GAS2: variants seen among roughly 807,000 people sequenced by gnomAD.
GAS2 encodes the protein growth arrest specific 2, also known as growth arrest-specific protein 2.
In GAS2, 20 loss-of-function variants were observed where a neutral mutation model predicts 37.5. The observed-to-expected ratio is 0.53, with a 90% CI of 0.37 to 0.77. The LOEUF (loss-of-function observed/expected upper bound fraction) is 0.77, where lower values mean the gene tolerates loss of function less well. GAS2 is among the 30% of genes least tolerant of loss of function. The probability of loss-of-function intolerance (pLI) is 0.00; values close to 1 mark genes in which losing one functional copy is unlikely to be tolerated. For synonymous variants in GAS2, 144 were observed against 132.2 expected, an observed-to-expected ratio of 1.09 and a Z score of -0.61; for missense variants, 336 against 373.4, an observed-to-expected ratio of 0.90 and a Z score of 0.82.
At chr11:22,716,340 A>G (rs1195636413) in intron 3 of GAS2, among the ~76,000 whole-genome samples, 2 of 152,132 alleles carry the variant, frequency 1.3e-5, no homozygotes, top group Non-Finnish European at 2.9e-5. Flanking sequence ...CAATCAGACA[A>G]GAGAAAGAAA....
intron 7 of GAS2, among the ~76,000 whole-genome samples, chr11:22,802,309 G>GGGGTGGA (rs1318969611): frequency 6.6e-6 from 1 of 151,996 alleles, no homozygotes; most frequent in Admixed American, 6.6e-5. Context: ...GGCCTGTTGT[G>GGGGTGGA]GGGTGGAGGG....
rs191500215 is a variant in GAS2 at position 22,800,129 on chromosome 11, A to G, written c.724-11669A>G. ...TGCACATCCTGAACAGTCATACATG[A>G]TAACTCTGGCATAGTAAGAAAGAAT... On this transcript the variant is annotated intron_variant, in intron 7 of 7. Transcript: ENST00000454584. Among the ~76,000 whole-genome samples the G allele has an allele frequency of 3.0e-3, 457 of 152,268 alleles. 4 individuals carry two copies. Among genetic ancestry groups the G allele is most frequent in the African/African-American group, 0.01 (434 of 41,576 alleles).
intron 7 of GAS2, among the ~76,000 whole-genome samples, chr11:22,771,163 A>G (rs2134427267): frequency 6.6e-6 from 1 of 152,078 alleles, no homozygotes; most frequent in East Asian, 1.9e-4. Context: ...GAAAAATGGC[A>G]ATCTCAGATC....
Position 22,812,827 on chromosome 11 carries a change from TTTAG to T in GAS2, c.*815_*818del, listed in dbSNP as rs1476504819. ...AGCATTTTCTTATTAAAAATATATC[TTTAG>T]TTAATCCTATTTTGCTATGCTTTCT... is the stretch of plus-strand genomic sequence containing the variant. On this transcript the variant is annotated 3_prime_UTR_variant, in exon 8 of 8. Coordinates refer to ENST00000454584, the MANE Select transcript of GAS2 (RefSeq NM_001143830.3). 1.3e-5 allele frequency: 2 copies of T among 152,294 alleles called. No homozygotes were observed. Among genetic ancestry groups the T allele is most frequent in the African/African-American group, 4.9e-5 (2 of 41,148 alleles). 9.4% of individuals were successfully genotyped at this position (152,294 alleles called of 1,614,324 possible).
chr11:22,675,060 G>C, intron 2 of GAS2, 46 bp downstream of exon 2: 1 of 1,595,610 alleles, frequency 6.3e-7, no homozygotes, highest in Non-Finnish European at 8.5e-7. Context: ...AACAGTTTTT[G>C]TTTTATTTTT....
chr11:22,782,740 A>AT (rs1308357447), intron 7 of GAS2, among the ~76,000 whole-genome samples: 2 of 128,564 alleles, frequency 1.6e-5, no homozygotes, highest in Non-Finnish European at 3.2e-5. Flanking sequence ...AAAAAAAAAA[A>AT]ATAATAATAA....
chr11:22,731,911 A>G (rs1852496473), intron 4 of GAS2, among the ~76,000 whole-genome samples: 1 of 151,664 alleles, frequency 6.6e-6, no homozygotes, highest in African/African-American at 2.4e-5. Flanking sequence ...TTTTTGTTTT[A>G]TGAAGTACAT....
intron 3 of GAS2, among the ~76,000 whole-genome samples, chr11:22,699,491 G>T (rs930223335): frequency 6.6e-6 from 1 of 152,112 alleles, no homozygotes; most frequent in Non-Finnish European, 1.5e-5. Context: ...AAGTGAAACT[G>T]GATTTGGAGG....
intron 1 of GAS2, among the ~76,000 whole-genome samples, chr11:22,657,082 G>A (rs888279972): frequency 4.6e-5 from 7 of 152,196 alleles, no homozygotes; most frequent in African/African-American, 9.7e-5. Flanking sequence ...AATTCTGGAA[G>A]TGTGAATAAG....
intron 6 of GAS2, among the ~76,000 whole-genome samples, chr11:22,749,754 G>A (rs947233379): frequency 6.6e-6 from 1 of 151,978 alleles, no homozygotes; most frequent in African/African-American, 2.4e-5. Context: ...GCTGAGGGGA[G>A]GAGAGGAGCT....
intron 3 of GAS2, among the ~76,000 whole-genome samples, chr11:22,715,479 A>AAAAAAAAG (rs1554973679): frequency 5.5e-5 from 8 of 145,884 alleles, no homozygotes; most frequent in African/African-American, 1.7e-4. Context: ...AAAAAAAAAA[A>AAAAAAAAG]AAAAGAAAAG....
intron 7 of GAS2, among the ~76,000 whole-genome samples, chr11:22,806,085 A>G (rs1394501732): frequency 6.6e-6 from 1 of 152,136 alleles, no homozygotes; most frequent in East Asian, 1.9e-4. Context: ...ATGACTTAGA[A>G]TGCCTTAACC....
At chr11:22,806,751 G>C (rs546098568) in intron 7 of GAS2, among the ~76,000 whole-genome samples, 1 of 152,316 alleles carries the variant, frequency 6.6e-6, no homozygotes, top group South Asian at 2.1e-4. Context: ...ACTCAGAATT[G>C]AAAATCTGTT....
intron 7 of GAS2, among the ~76,000 whole-genome samples, chr11:22,757,149 T>C (rs976112983): frequency 6.6e-6 from 1 of 152,112 alleles, no homozygotes; most frequent in South Asian, 2.1e-4. Flanking sequence ...ACATGATTAA[T>C]AAATTATATA....
Position 22,809,213 on chromosome 11 carries a change from C to A in GAS2, c.724-2585C>A, listed in dbSNP as rs186827759. ...CAATGAGTATTGCCAGGGAAGGAGGCTTTATTTGGGTGCTGCAACCAAGAA... is the reference window on the plus strand; with the variant it reads ...CAATGAGTATTGCCAGGGAAGGAGGATTTATTTGGGTGCTGCAACCAAGAA... On this transcript the variant is annotated intron_variant, in intron 7 of 7. Coordinates refer to ENST00000454584, the MANE Select transcript of GAS2 (RefSeq NM_001143830.3). 3.2e-3 allele frequency among the ~76,000 whole-genome samples: 481 copies of A among 152,210 alleles called. 1 individual carries two copies. The highest frequency in any genetic ancestry group is 0.011 in the African/African-American group (451 of 41,530).
intron 1 of GAS2, among the ~76,000 whole-genome samples, chr11:22,629,035 G>GTATA (rs564605468): frequency 1.3e-5 from 2 of 151,348 alleles, no homozygotes; most frequent in African/African-American, 4.9e-5. Context: ...ATGCATGTGT[G>GTATA]TATATATATA....
chr11:22,698,402 A>G (rs1206209165), intron 3 of GAS2, among the ~76,000 whole-genome samples: 1 of 152,104 alleles, frequency 6.6e-6, no homozygotes, highest in African/African-American at 2.4e-5. Flanking sequence ...AAAAGAGTCC[A>G]GGACCAGATG....
At chr11:22,710,554 G>T (rs1385521131) in intron 3 of GAS2, among the ~76,000 whole-genome samples, 3 of 151,544 alleles carry the variant, frequency 2.0e-5, no homozygotes, top group Non-Finnish European at 2.9e-5. Context: ...TCCTAAGGAA[G>T]TTCCTCAACT....
chr11:22,663,703 T>C (rs2133848089), upstream of GAS2, among the ~76,000 whole-genome samples: 1 of 152,274 alleles, frequency 6.6e-6, no homozygotes, highest in East Asian at 1.9e-4. Flanking sequence ...ATTTCTTTGA[T>C]TTATCCTTGT....
Sources: allele counts gnomAD v4.1 joint callset (sites outside exome capture counted in the v4.1 genomes callset), GRCh38; gene constraint gnomAD v4.1.1; transcripts MANE v1.5; gene names NCBI Gene and HGNC (gene_info 2026-07-23, HGNC 2026-07-21).